GALNT14: variants seen among roughly 807,000 people sequenced by gnomAD.
The protein encoded by GALNT14 is polypeptide N-acetylgalactosaminyltransferase 14, also known as UDP-GalNAc:polypeptide N-acetylgalactosaminyltransferase 14.
Under a neutral mutation model 77.5 loss-of-function variants are expected in GALNT14, and 60 were observed. That is an observed-to-expected ratio of 0.77 (90% CI 0.63 to 0.96). GALNT14 has a LOEUF of 0.96. Ranked by LOEUF, GALNT14 falls within the 40% of genes least tolerant of loss-of-function variation. The pLI is 0.00. For synonymous variants in GALNT14, 280 were observed against 281.7 expected, an observed-to-expected ratio of 0.99 and a Z score of 0.06; for missense variants, 710 against 731.0, an observed-to-expected ratio of 0.97 and a Z score of 0.33.
chr2:31,036,425 T>C (rs1672742022), intron 1 of GALNT14, among the ~76,000 whole-genome samples: 1 of 152,198 alleles, frequency 6.6e-6, no homozygotes, highest in Non-Finnish European at 1.5e-5. Context: ...CCTCCCCACT[T>C]TGTGTAGAGA....
At chr2:31,005,872 T>C (rs1670642755) in intron 1 of GALNT14, among the ~76,000 whole-genome samples, 1 of 152,234 alleles carries the variant, frequency 6.6e-6, no homozygotes, top group Admixed American at 6.5e-5. Context: ...TATTATCAGC[T>C]TAGAAGGCTA....
chr2:30,926,150 G>A (rs1179818051), intron 11 of GALNT14, among the ~76,000 whole-genome samples: 1 of 152,186 alleles, frequency 6.6e-6, no homozygotes, highest in African/African-American at 2.4e-5. Flanking sequence ...CATCAGGATG[G>A]GAAGGATGTC....
chr2:31,079,321 C>T (rs1676012353), intron 1 of GALNT14, among the ~76,000 whole-genome samples: 1 of 152,114 alleles, frequency 6.6e-6, no homozygotes, highest in South Asian at 2.1e-4. Flanking sequence ...TGAGAATGAC[C>T]CTGTTTGGAA....
intron 1 of GALNT14, among the ~76,000 whole-genome samples, chr2:31,069,701 A>G (rs1236241497): frequency 2.0e-5 from 3 of 152,134 alleles, no homozygotes; most frequent in Non-Finnish European, 4.4e-5. Context: ...GAGGCTTGAC[A>G]CCCAAAAGTA....
chr2:30,896,065 GATA>G, the GALNT14 span, among the ~76,000 whole-genome samples: 10,810 of 152,228 alleles, frequency 0.071, 630 homozygotes, highest in East Asian at 0.35. Flanking sequence ...TAAAGCTGAT[GATA>G]ATATCTATCT....
intron 1 of GALNT14, among the ~76,000 whole-genome samples, chr2:31,027,375 C>T (rs1405383405): frequency 6.6e-6 from 1 of 151,304 alleles, no homozygotes; most frequent in African/African-American, 2.4e-5. Context: ...TGAGATCGCG[C>T]CATTGCACTC....
At chr2:31,063,545 T>G (rs1411613942) in intron 1 of GALNT14, among the ~76,000 whole-genome samples, 1 of 152,250 alleles carries the variant, frequency 6.6e-6, no homozygotes, top group East Asian at 1.9e-4. Context: ...CTATATGGGC[T>G]CCTTTTTGGT....
chr2:30,903,156 C>A, the GALNT14 span, among the ~76,000 whole-genome samples: 2 of 152,236 alleles, frequency 1.3e-5, no homozygotes, highest in Non-Finnish European at 2.9e-5. Context: ...ACACTCGACT[C>A]TTTACTTTCC....
At chr2:31,129,631 C>G (rs753411809) in intron 1 of GALNT14, 24 of 985,084 alleles carry the variant, frequency 2.4e-5, no homozygotes, top group Middle Eastern at 5.2e-4. Flanking sequence ...CAGTGGCCAT[C>G]AAGGAATCTG....
At position 30,924,266 on chromosome 2, in the gene GALNT14, GGAGGAGAGTCACAGGGAGA is replaced by G; in HGVS notation, c.1236-22_1236-4del. On this transcript the variant is annotated splice_polypyrimidine_tract_variant and splice_region_variant and intron_variant, in intron 12 of 14. Transcript: ENST00000349752. ...GGATGGAGGACTCCTTGGGGATGCT[GGAGGAGAGTCACAGGGAGA>G]GAGGAGAGTCCACTGCTCATTGGAT... is the stretch of plus-strand genomic sequence containing the variant. 2 of 1,614,124 alleles carry G rather than the reference GGAGGAGAGTCACAGGGAGA, an allele frequency of 1.2e-6. No individual in the cohort carries two copies. Among genetic ancestry groups the G allele is most frequent in the Non-Finnish European group, 1.7e-6 (2 of 1,179,954 alleles).
rs200918843 is a variant in GALNT14, at chr2:30,955,641, G to C, written c.631C>G (p.Pro211Ala). 6.2e-7 allele frequency: 1 copy of C among 1,614,048 alleles called. No homozygotes were observed. The highest frequency in any genetic ancestry group is 8.5e-7 in the Non-Finnish European group (1 of 1,180,046). ...ACCTCTTTGACCCTGTGCAACAGAG[G>C]CTGGAGCCAGTCCCTGTTCACCTCA... is the stretch of plus-strand genomic sequence containing the variant. ...HCEVNRDWLQ[P>A]LLHRVKEDYT... Residue 211 changes from proline to alanine, a missense_variant, in exon 6 of 15, where the codon CCT becomes GCT. Transcript: ENST00000349752.
chr2:31,130,746 G>A lies in GALNT14; in HGVS notation c.129+7212C>T, dbSNP rs906721850. 2.1e-3 allele frequency among the ~76,000 whole-genome samples: 284 copies of A among 134,988 alleles called. 1 individual carries two copies. The highest frequency in any genetic ancestry group is 8.8e-3 in the African/African-American group (270 of 30,676). The allele number at this position is 134,988 out of a possible 152,430, so 88.6% of individuals were successfully genotyped here. The stretch of plus-strand genomic sequence containing the variant: ...CCCCAGGGTACCTCTGTGTGTGTGT[G>A]TGTGTGTGTGTGTGTGTGTGTGTGT... On this transcript the variant is annotated intron_variant, in intron 1 of 14. Transcript: ENST00000349752.
chr2:31,114,025 C>T (rs763869161), intron 1 of GALNT14, among the ~76,000 whole-genome samples: 1 of 152,250 alleles, frequency 6.6e-6, no homozygotes, highest in African/African-American at 2.4e-5. Flanking sequence ...AACAAAGAGA[C>T]ACAAAAGCAG....
intron 1 of GALNT14, among the ~76,000 whole-genome samples, chr2:31,081,201 T>C (rs1676138307): frequency 6.6e-6 from 1 of 152,198 alleles, no homozygotes; most frequent in Admixed American, 6.5e-5. Flanking sequence ...GCTCAGTTAA[T>C]CATGAAAGAT....
intron 1 of GALNT14, among the ~76,000 whole-genome samples, chr2:31,061,366 C>A (rs1319492020): frequency 6.6e-6 from 1 of 152,146 alleles, no homozygotes; most frequent in Non-Finnish European, 1.5e-5. Flanking sequence ...TCCAAAATCT[C>A]TGGCATTCAC....
intron 1 of GALNT14, among the ~76,000 whole-genome samples, chr2:31,098,402 C>T (rs1359687444): frequency 6.6e-6 from 1 of 152,112 alleles, no homozygotes. Flanking sequence ...CATCTTCTGA[C>T]ATGAATACCT....
the GALNT14 span, among the ~76,000 whole-genome samples, chr2:30,890,516 A>G: frequency 6.6e-6 from 1 of 152,250 alleles, no homozygotes; most frequent in Non-Finnish European, 1.5e-5. Flanking sequence ...ATCCAATGGT[A>G]GAGATTCAAT....
At chr2:30,983,791 ACACACACACACACACACGTATG>A (rs1455908425) in intron 2 of GALNT14, among the ~76,000 whole-genome samples, 13 of 27,984 alleles carry the variant, frequency 4.6e-4, no homozygotes, top group African/African-American at 6.2e-4. Context: ...ACACACACAC[ACACACACACACACACACGTATG>A]CACACACACA....
chr2:31,064,346 A>T (rs1410745701), intron 1 of GALNT14, among the ~76,000 whole-genome samples: 2 of 152,222 alleles, frequency 1.3e-5, no homozygotes. Flanking sequence ...GTAAATTTTT[A>T]AAATATTAGA....
Sources: allele counts gnomAD v4.1 joint callset (sites outside exome capture counted in the v4.1 genomes callset), GRCh38; gene constraint gnomAD v4.1.1; transcripts MANE v1.5; gene names NCBI Gene and HGNC (gene_info 2026-07-23, HGNC 2026-07-21).